HEATR4: variants seen among roughly 807,000 people sequenced by gnomAD.
The protein encoded by HEATR4 is HEAT repeat containing 4.
A neutral mutation model predicts 108.8 loss-of-function variants in HEATR4; 95 were observed. The observed-to-expected ratio is 0.87, with a 90% CI of 0.74 to 1.04. The LOEUF (loss-of-function observed/expected upper bound fraction) is 1.04. Ranked by LOEUF, HEATR4 falls within the 50% of genes least tolerant of loss-of-function variation. The probability of loss-of-function intolerance (pLI) is 0.00; values close to 1 mark genes in which losing one functional copy is unlikely to be tolerated. For missense variants in HEATR4, 1,152 were observed against 1,253.8 expected (o/e 0.92, Z 1.23); for synonymous variants, 443 against 459.4 (o/e 0.96, Z 0.46).
At chr14:73,586,984 TTC>T in the HEATR4 span, among the ~76,000 whole-genome samples, 1 of 152,208 alleles carries the variant, frequency 6.6e-6, no homozygotes, top group East Asian at 1.9e-4. Flanking sequence ...GCAAAACATT[TTC>T]TGTTTTAGTT....
At chr14:73,557,222 C>T (rs4044919) in intron 1 of HEATR4, among the ~76,000 whole-genome samples, 14,543 of 113,024 alleles carry the variant, frequency 0.13, 5,049 homozygotes, top group Non-Finnish European at 0.2. Context: ...AGGGTTAGGC[C>T]ACATGCCTCT....
intron 1 of HEATR4, among the ~76,000 whole-genome samples, chr14:73,545,950 G>A (rs1889222704): frequency 8.8e-6 from 1 of 113,860 alleles, no homozygotes; most frequent in South Asian, 2.8e-4. Flanking sequence ...AGGAGTTCAA[G>A]CCAGCCTGGG....
chr14:73,622,718 A>T, the HEATR4 span, among the ~76,000 whole-genome samples: 3 of 151,630 alleles, frequency 2.0e-5, no homozygotes, highest in Non-Finnish European at 4.4e-5. Context: ...TATTTCAAAA[A>T]GAATCTCAGG....
At position 73,478,641 on chromosome 14, in the gene HEATR4, A is replaced by G. The variant is rs139188683; in HGVS notation, c.3046T>C (p.Ser1016Pro). 3.7e-6 allele frequency: 6 copies of G among 1,613,766 alleles called. No individual in the cohort carries two copies. The highest frequency in any genetic ancestry group is 3.4e-6 in the Non-Finnish European group (4 of 1,179,872). ...SERTFFSPIM[S>P]SPSGKKGAHL ...GCACCTTTCTTTCCAGAGGGAGAAG[A>G]CATGATGGGAGAAAAAAATGTTCTC... Residue 1016 changes from serine to proline, a missense_variant, in exon 18 of 18, where the codon TCT becomes CCT. Transcript: ENST00000553558.
At chr14:73,620,461 T>C in the HEATR4 span, among the ~76,000 whole-genome samples, 1 of 152,214 alleles carries the variant, frequency 6.6e-6, no homozygotes, top group Non-Finnish European at 1.5e-5. Flanking sequence ...TTCTGAGGAC[T>C]GACCTTTGGT....
At chr14:73,571,469 G>C in the HEATR4 span, 1 of 152,284 alleles carries the variant, frequency 6.6e-6, no homozygotes, top group African/African-American at 2.4e-5. Flanking sequence ...GTCCTCCGGG[G>C]TTGGGCTTCA....
At chr14:73,488,945 C>G (rs1225133114) in intron 17 of HEATR4, among the ~76,000 whole-genome samples, 1 of 151,500 alleles carries the variant, frequency 6.6e-6, no homozygotes, top group Non-Finnish European at 1.5e-5. Flanking sequence ...TCGCTTGAAC[C>G]TGGGAGGTGG....
Position 73,558,809 on chromosome 14 carries a change from G to C in HEATR4, c.-210C>G, listed in dbSNP as rs1313196991. 1.3e-5 allele frequency: 2 copies of C among 151,036 alleles called. No individual in the cohort carries two copies. The highest frequency in any genetic ancestry group is 2.4e-5 in the African/African-American group (1 of 40,996). The allele number at this position is 151,036 out of a possible 1,614,324, so 9.4% of individuals were successfully genotyped here. On this transcript the variant is annotated 5_prime_UTR_variant, in exon 1 of 18. Coordinates refer to ENST00000553558, the MANE Select transcript of HEATR4 (RefSeq NM_001220484.1). ...ACCTCAGGTTGCCCCTCATCTTCCA[G>C]CTGACACCATCCAGCACCTTTCAGA...
chr14:73,622,049 C>T, the HEATR4 span, among the ~76,000 whole-genome samples: 1 of 152,156 alleles, frequency 6.6e-6, no homozygotes, highest in East Asian at 1.9e-4. Flanking sequence ...AGGCGTGAAT[C>T]ACTGCGCCTG....
At chr14:73,499,307 C>T (rs1162931166) in intron 12 of HEATR4, among the ~76,000 whole-genome samples, 167 bp from the exon 13 acceptor site, 2 of 152,078 alleles carry the variant, frequency 1.3e-5, no homozygotes, top group Non-Finnish European at 2.9e-5. Flanking sequence ...ATGGTGAAAC[C>T]CTGTCTCTAC....
upstream of HEATR4, among the ~76,000 whole-genome samples, chr14:73,562,634 T>C (rs778970853): frequency 2.0e-5 from 3 of 152,060 alleles, no homozygotes; most frequent in Non-Finnish European, 4.4e-5. Flanking sequence ...TTAATATTAA[T>C]ACCCTGGGAA....
intron 15 of HEATR4, 83 bp from the exon 16 acceptor site, chr14:73,495,470 G>C: frequency 8.7e-7 from 1 of 1,152,048 alleles, no homozygotes; most frequent in Middle Eastern, 2.0e-4. Flanking sequence ...TTAATAAAGT[G>C]ATTGTAGGAG....
chr14:73,580,044 G>C, the HEATR4 span, among the ~76,000 whole-genome samples: 2 of 152,150 alleles, frequency 1.3e-5, 1 homozygote, highest in Middle Eastern at 6.8e-3. Flanking sequence ...GTTGCAGTGA[G>C]CCAAGATTGT....
Position 73,508,275 on chromosome 14 carries a change from C to T in HEATR4, c.1740G>A (p.Trp580Ter). 1.2e-6 allele frequency: 2 copies of T among 1,613,840 alleles called. No individual in the cohort carries two copies. The highest frequency in any genetic ancestry group is 1.7e-6 in the Non-Finnish European group (2 of 1,179,982). ...CCAGAGCCAAGCACTGAGCTGCAGC[C>T]CAGCTATCCACACTGTTACCTGCCA... ...ALLKGNSVDS[W>*]AAAQCLALEG... Residue 580 changes from tryptophan (W) to a stop codon, truncating the protein, a stop_gained, in exon 9 of 18, where the codon TGG (tryptophan) becomes TGA (stop). Coordinates refer to ENST00000553558, the MANE Select transcript of HEATR4 (RefSeq NM_001220484.1). LOFTEE classifies it high-confidence loss of function.
At chr14:73,503,082 G>T in intron 10 of HEATR4, 69 bp from the exon 11 acceptor site, 1 of 1,274,226 alleles carries the variant, frequency 7.8e-7, no homozygotes, top group Non-Finnish European at 1.1e-6. Context: ...GCGTTGTGCT[G>T]TTTTTTCTTC....
chr14:73,588,233 C>T, the HEATR4 span, among the ~76,000 whole-genome samples: 1 of 152,130 alleles, frequency 6.6e-6, no homozygotes, highest in Non-Finnish European at 1.5e-5. Flanking sequence ...CTCCTGACCT[C>T]AAGTGATCCG....
intron 17 of HEATR4, chr14:73,491,554 G>A (rs1419065361): frequency 1.2e-5 from 19 of 1,536,784 alleles, no homozygotes; most frequent in Non-Finnish European, 1.7e-5. Flanking sequence ...GTGGGGAGCC[G>A]GCCTGGGACT....
At chr14:73,481,552 A>T (rs1337062058) in intron 17 of HEATR4, among the ~76,000 whole-genome samples, 1 of 98,076 alleles carries the variant, frequency 1.0e-5, no homozygotes, top group African/African-American at 3.5e-5. Context: ...TAGAGATAGT[A>T]AAAAAAGGCC....
At chr14:73,513,586 G>A (rs1887399215) in intron 6 of HEATR4, among the ~76,000 whole-genome samples, 1 of 151,758 alleles carries the variant, frequency 6.6e-6, no homozygotes, top group Non-Finnish European at 1.5e-5. Context: ...AGTTAACCAA[G>A]TGTGGTGGCG....
Sources: gnomAD v4.1 joint callset for allele counts (sites outside exome capture counted in the v4.1 genomes callset) on GRCh38, gnomAD v4.1.1 for gene constraint, MANE v1.5 for transcripts, NCBI Gene and HGNC (gene_info 2026-07-23, HGNC 2026-07-21) for gene names.